The following CHAF1B variants were observed in gnomAD, a reference collection of about 807,000 sequenced individuals.
CHAF1B encodes CAF-1 subunit B.
A neutral mutation model predicts 60.7 loss-of-function variants in CHAF1B; 10 were observed. The ratio of observed to expected loss-of-function variants is 0.16; its 90% CI spans 0.10 to 0.28. The LOEUF is 0.28. Ranked by LOEUF, CHAF1B falls within the 10% of genes least tolerant of loss-of-function variation. CHAF1B has a pLI of 1.00. For missense variants in CHAF1B, 558 were observed against 708.4 expected (o/e 0.79, Z 2.41); for synonymous variants, 261 against 266.1 (o/e 0.98, Z 0.19).
rs149779768 is a variant in CHAF1B, at chr21:36,390,524, A to G, written c.260-1027A>G. 2.0e-5 allele frequency among the ~76,000 whole-genome samples: 3 copies of G among 152,232 alleles called. No homozygotes were observed. The East Asian group carries it at 5.8e-4, about 29-fold the overall frequency. ...TTAGACAATGGGTGACCTCAGGCTAAAGTACCTGATATCTATAATGGTATT... is the reference window on the plus strand; with the variant it reads ...TTAGACAATGGGTGACCTCAGGCTAGAGTACCTGATATCTATAATGGTATT... On this transcript the variant is annotated intron_variant, in intron 3 of 13. Coordinates refer to ENST00000314103, the MANE Select transcript of CHAF1B (RefSeq NM_005441.3).
At chr21:36,398,176 C>T (rs551209584) in intron 6 of CHAF1B, 1 of 151,896 alleles carries the variant, frequency 6.6e-6, no homozygotes, top group Non-Finnish European at 1.5e-5. Flanking sequence ...CTTCAGCCCC[C>T]CAAGTAATTG....
chr21:36,407,851 G>A (rs925702322), intron 8 of CHAF1B, among the ~76,000 whole-genome samples: 4 of 151,910 alleles, frequency 2.6e-5, no homozygotes, highest in African/African-American at 4.8e-5. Context: ...CGTGGCAGGT[G>A]CCTGTAATCC....
chr21:36,386,636 C>G (rs2086037459), intron 2 of CHAF1B, among the ~76,000 whole-genome samples: 1 of 152,076 alleles, frequency 6.6e-6, no homozygotes, highest in African/African-American at 2.4e-5. Context: ...TGTCAACAAA[C>G]TAAACTACTT....
At chr21:36,404,394 C>T (rs945607594) in intron 8 of CHAF1B, among the ~76,000 whole-genome samples, 33 of 147,542 alleles carry the variant, frequency 2.2e-4, no homozygotes, top group African/African-American at 6.5e-4. Flanking sequence ...CCACCACGCC[C>T]GGCCCTTTTT....
intron 8 of CHAF1B, among the ~76,000 whole-genome samples, chr21:36,403,508 T>G (rs768229253): frequency 5.1e-4 from 74 of 145,490 alleles, no homozygotes; most frequent in Non-Finnish European, 1.0e-3. Context: ...ACCCTTTCAA[T>G]GAATGCTTTT....
chr21:36,397,313 C>T (rs1489260949), intron 5 of CHAF1B, 102 bp from the exon 6 acceptor site: 14 of 472,512 alleles, frequency 3.0e-5, no homozygotes, highest in Middle Eastern at 4.0e-4. Context: ...CTGAGTGATG[C>T]GTGGTAAAGG....
intron 12 of CHAF1B, 119 bp downstream of exon 12, chr21:36,413,434 CAG>C: frequency 2.2e-6 from 2 of 929,730 alleles, no homozygotes; most frequent in Middle Eastern, 2.2e-4. Flanking sequence ...AGTAGGTTGC[CAG>C]AGAGATTCTT....
chr21:36,407,554 A>G (rs761768464), intron 8 of CHAF1B, among the ~76,000 whole-genome samples: 1 of 152,212 alleles, frequency 6.6e-6, no homozygotes, highest in Non-Finnish European at 1.5e-5. Context: ...AAAAAATATC[A>G]TAGAGGTATA....
In CHAF1B at chr21:36,418,778, G is replaced by A. The variant is rs912332804; in HGVS notation, c.*2412G>A. 2.6e-4 allele frequency: 40 copies of A among 151,986 alleles called. No individual in the cohort carries two copies. The highest frequency in any genetic ancestry group is 9.4e-4 in the African/African-American group (39 of 41,448). The allele number at this position is 151,986 out of a possible 1,614,324, so 9.4% of individuals were successfully genotyped here. Reference sequence around the variant, plus strand: ...GCACAAGAATCGCTTGAACCCGGGAGGCGGAGTTTGTAGTGAGCTGAGATG... The same window carrying A: ...GCACAAGAATCGCTTGAACCCGGGAAGCGGAGTTTGTAGTGAGCTGAGATG... On this transcript the variant is annotated 3_prime_UTR_variant, in exon 14 of 14. Coordinates refer to ENST00000314103, the MANE Select transcript of CHAF1B (RefSeq NM_005441.3).
At chr21:36,399,227 G>C (rs370593673) in intron 6 of CHAF1B, among the ~76,000 whole-genome samples, 1 of 151,646 alleles carries the variant, frequency 6.6e-6, no homozygotes, top group African/African-American at 2.4e-5. Flanking sequence ...GTAGAGATGG[G>C]GTTTCACCAT....
chr21:36,386,548 C>T (rs1326460976), intron 2 of CHAF1B, among the ~76,000 whole-genome samples: 1 of 152,092 alleles, frequency 6.6e-6, no homozygotes, highest in Admixed American at 6.6e-5. Context: ...AAGCAAGCAA[C>T]GATCACTCCA....
intron 7 of CHAF1B, among the ~76,000 whole-genome samples, chr21:36,401,390 T>C (rs1426097239): frequency 2.3e-5 from 3 of 131,400 alleles, no homozygotes; most frequent in Non-Finnish European, 4.6e-5. Flanking sequence ...TATTTTTATA[T>C]TATACATAAT....
At position 36,409,399 on chromosome 21, in the gene CHAF1B, G is replaced by A. The variant is rs752420979; in HGVS notation, c.853G>A (p.Gly285Arg). ...GCCCATCGCTCATCTTCCATGTCCT[G>A]GAAAAGCCACTCTTGCTGTTCGCTG... is the stretch of plus-strand genomic sequence containing the variant. ...KRPIAHLPCP[G>R]KATLAVRCCP... The change falls in exon 10 of 14, where the codon GGA (glycine) becomes AGA (arginine). Residue 285 changes from glycine (G) to arginine (R), a missense_variant. Physicochemically the swap from Gly to Arg is moderately radical, Grantham distance 125. Around this residue, in one of 2 missense-constraint regions of CHAF1B, gnomAD observed 325 missense variants for 493.5 expected, o/e 0.66. Coordinates refer to ENST00000314103, the MANE Select transcript of CHAF1B (RefSeq NM_005441.3). 9.9e-6 allele frequency: 16 copies of A among 1,613,694 alleles called. No homozygotes were observed. The highest frequency in any genetic ancestry group is 1.4e-5 in the Non-Finnish European group (16 of 1,179,822).
intron 8 of CHAF1B, among the ~76,000 whole-genome samples, chr21:36,403,887 T>G (rs1335229478): frequency 6.6e-6 from 1 of 152,186 alleles, no homozygotes; most frequent in African/African-American, 2.4e-5. Flanking sequence ...GGTTTGCCAC[T>G]GAGTCCCATC....
At chr21:36,394,477 T>G in intron 4 of CHAF1B, 70 bp from the exon 5 acceptor site, 1 of 1,102,106 alleles carries the variant, frequency 9.1e-7, no homozygotes. Context: ...CCCAAAGTGC[T>G]GGGATTACAG....
At chr21:36,399,383 A>G in intron 6 of CHAF1B, 138 bp from the exon 7 acceptor site, 2 of 692,780 alleles carry the variant, frequency 2.9e-6, no homozygotes, top group Non-Finnish European at 2.5e-6. Flanking sequence ...TTAATTACCC[A>G]GTTGTGAATA....
chr21:36,406,598 T>G (rs544832837), intron 8 of CHAF1B, among the ~76,000 whole-genome samples: 1 of 152,242 alleles, frequency 6.6e-6, no homozygotes, highest in Non-Finnish European at 1.5e-5. Context: ...CTTTTTTTTT[T>G]AATTGACAGA....
chr21:36,408,068 A>C (rs1270775694), intron 8 of CHAF1B, among the ~76,000 whole-genome samples: 2 of 152,216 alleles, frequency 1.3e-5, no homozygotes, highest in African/African-American at 4.8e-5. Flanking sequence ...TCCCTGGTGG[A>C]TATGAAACAG....
At chr21:36,414,268 G>A (rs1181083714) in intron 12 of CHAF1B, among the ~76,000 whole-genome samples, 1 of 152,178 alleles carries the variant, frequency 6.6e-6, no homozygotes, top group Non-Finnish European at 1.5e-5. Context: ...AGCTGGGAAG[G>A]GGGATGCAGA....
Sources: gnomAD v4.1 joint callset for allele counts (sites outside exome capture counted in the v4.1 genomes callset) on GRCh38, gnomAD v4.1.1 for gene constraint, gnomAD v4.1.1 regional missense constraint, MANE v1.5 for transcripts, NCBI Gene and HGNC (gene_info 2026-07-23, HGNC 2026-07-21) for gene names.